The following TCF4 variants were observed in gnomAD, a reference collection of about 807,000 sequenced individuals.
The protein encoded by TCF4 is SL3-3 enhancer factor 2.
TCF4 carries 3 observed loss-of-function variants against 82.1 expected under a neutral mutation model. That is an observed-to-expected ratio of 0.04 (90% CI 0.02 to 0.09). TCF4 has a LOEUF of 0.09. Among genes scored for constraint, TCF4 ranks in the 10% least tolerant of loss-of-function variants. The probability of loss-of-function intolerance (pLI) is 1.00; values close to 1 mark genes in which losing one functional copy is unlikely to be tolerated. For synonymous variants in TCF4, 276 were observed against 309.6 expected, an observed-to-expected ratio of 0.89 and a Z score of 1.14; for missense variants, 518 against 852.7, an observed-to-expected ratio of 0.61 and a Z score of 4.89.
intron 8 of TCF4, among the ~76,000 whole-genome samples, chr18:55,331,841 T>C (rs2077624914): frequency 6.6e-6 from 1 of 152,234 alleles, no homozygotes; most frequent in African/African-American, 2.4e-5. Context: ...CAAATTTTAT[T>C]TGCTGTCCTG....
At chr18:55,569,531 T>G (rs2097441730) in intron 3 of TCF4, among the ~76,000 whole-genome samples, 1 of 151,794 alleles carries the variant, frequency 6.6e-6, no homozygotes, top group Admixed American at 6.6e-5. Context: ...GGCAACAGAG[T>G]GAGATTCCAT....
intron 6 of TCF4, among the ~76,000 whole-genome samples, chr18:55,397,409 G>T (rs1315585665): frequency 6.6e-6 from 1 of 152,102 alleles, no homozygotes; most frequent in Non-Finnish European, 1.5e-5. Flanking sequence ...AGTTGGCCTG[G>T]TCTCTTTAAA....
intron 6 of TCF4, among the ~76,000 whole-genome samples, chr18:55,380,619 TAA>T (rs1467696496): frequency 6.6e-6 from 1 of 152,048 alleles, no homozygotes; most frequent in Non-Finnish European, 1.5e-5. Flanking sequence ...AAACGATAAA[TAA>T]AAGAGTAACG....
intron 8 of TCF4, among the ~76,000 whole-genome samples, chr18:55,289,266 G>A (rs941018637): frequency 2.6e-5 from 4 of 152,094 alleles, no homozygotes; most frequent in Non-Finnish European, 4.4e-5. Context: ...CCAGGCTCAG[G>A]GTTGGCACAG....
chr18:55,467,581 C>T (rs2096059610), intron 3 of TCF4, among the ~76,000 whole-genome samples: 1 of 152,204 alleles, frequency 6.6e-6, no homozygotes. Flanking sequence ...GCCTCTCTCA[C>T]TCCATATCTT....
intron 3 of TCF4, among the ~76,000 whole-genome samples, chr18:55,573,007 C>T (rs573296109): frequency 5.0e-4 from 76 of 151,740 alleles, no homozygotes; most frequent in African/African-American, 1.8e-3. Flanking sequence ...GAGCTGAGAC[C>T]GCGCCATTGC....
At chr18:55,358,182 C>T (rs1354248060) in intron 6 of TCF4, among the ~76,000 whole-genome samples, 2 of 152,220 alleles carry the variant, frequency 1.3e-5, no homozygotes, top group Non-Finnish European at 2.9e-5. Flanking sequence ...GGCGCAGAGA[C>T]CTGCCATGGC....
intron 8 of TCF4, among the ~76,000 whole-genome samples, chr18:55,333,413 T>C (rs2077988867): frequency 6.6e-6 from 1 of 152,014 alleles, no homozygotes; most frequent in Non-Finnish European, 1.5e-5. Flanking sequence ...ACTTGAGATA[T>C]TTTATCTCTA....
chr18:55,299,730 A>C (rs2067580158), intron 8 of TCF4, among the ~76,000 whole-genome samples: 1 of 152,154 alleles, frequency 6.6e-6, no homozygotes, highest in African/African-American at 2.4e-5. Context: ...GTAACATTCA[A>C]AGTGCCTATA....
intron 3 of TCF4, among the ~76,000 whole-genome samples, chr18:55,534,946 T>A (rs1316697039): frequency 6.6e-6 from 1 of 152,234 alleles, no homozygotes; most frequent in African/African-American, 2.4e-5. Flanking sequence ...GTGTCCAATC[T>A]ATTCTATCTC....
chr18:55,407,048 AT>A (rs2094127944), intron 5 of TCF4, among the ~76,000 whole-genome samples: 1 of 150,556 alleles, frequency 6.6e-6, no homozygotes. Context: ...CGTTAGTAAC[AT>A]TTGTTGTATG....
chr18:55,281,227 G>C (rs1032636130), intron 8 of TCF4, among the ~76,000 whole-genome samples: 2 of 152,058 alleles, frequency 1.3e-5, no homozygotes, highest in African/African-American at 4.8e-5. Context: ...ACTTTGGCTA[G>C]GAATCCAAAA....
chr18:55,292,652 T>G (rs1189803678), intron 8 of TCF4, among the ~76,000 whole-genome samples: 1 of 152,158 alleles, frequency 6.6e-6, no homozygotes, highest in South Asian at 2.1e-4. Flanking sequence ...TTAGGAAATA[T>G]TAGGTCCTCT....
intron 8 of TCF4, among the ~76,000 whole-genome samples, chr18:55,311,494 G>C (rs1422937017): frequency 6.6e-6 from 1 of 152,196 alleles, no homozygotes; most frequent in African/African-American, 2.4e-5. Context: ...CTGTTCTAAA[G>C]ATATATGTTT....
intron 11 of TCF4, among the ~76,000 whole-genome samples, chr18:55,262,471 A>C (rs2058261838): frequency 1.3e-5 from 2 of 152,212 alleles, no homozygotes; most frequent in Non-Finnish European, 2.9e-5. Flanking sequence ...ATCTAAATAA[A>C]ACCTATTAAA....
intron 5 of TCF4, among the ~76,000 whole-genome samples, chr18:55,440,960 C>T (rs962603945): frequency 3.3e-5 from 5 of 152,148 alleles, no homozygotes; most frequent in Non-Finnish European, 7.4e-5. Flanking sequence ...TTTCCCCCTT[C>T]CCCCCTTATT....
chr18:55,346,464 CCT>C (rs2081201501), intron 8 of TCF4, among the ~76,000 whole-genome samples: 1 of 152,126 alleles, frequency 6.6e-6, no homozygotes, highest in Non-Finnish European at 1.5e-5. Context: ...ACACAAAACC[CCT>C]CTGTACTTTA....
At chr18:55,387,811 T>C (rs1435177623) in intron 6 of TCF4, among the ~76,000 whole-genome samples, 1 of 152,216 alleles carries the variant, frequency 6.6e-6, no homozygotes, top group Non-Finnish European at 1.5e-5. Flanking sequence ...TCAGGATGTG[T>C]TTCCGGCTGC....
At chr18:55,265,102 T>C (rs1484257448) in intron 11 of TCF4, 1 of 152,188 alleles carries the variant, frequency 6.6e-6, no homozygotes, top group East Asian at 1.9e-4. Flanking sequence ...AACAAAACAC[T>C]GGGATGAGTG....
Sources: gnomAD v4.1 joint callset for allele counts (sites outside exome capture counted in the v4.1 genomes callset) on GRCh38, gnomAD v4.1.1 for gene constraint, MANE v1.5 for transcripts, NCBI Gene and HGNC (gene_info 2026-07-23, HGNC 2026-07-21) for gene names.